The following GUCY1A1 variants were observed in gnomAD, a reference collection of about 807,000 sequenced individuals.
GUCY1A1 encodes the protein guanylate cyclase soluble subunit alpha-1.
A neutral mutation model predicts 64.5 loss-of-function variants in GUCY1A1; 48 were observed. That is an observed-to-expected ratio of 0.74 (90% CI 0.59 to 0.95). GUCY1A1 has a LOEUF of 0.95. Among genes scored for constraint, GUCY1A1 ranks in the 40% least tolerant of loss-of-function variants. The pLI, the probability that GUCY1A1 is intolerant of heterozygous loss-of-function variation, is 0.00. For synonymous variants in GUCY1A1, 308 were observed against 303.4 expected (o/e 1.02, Z -0.16); for missense variants, 804 against 825.3 (o/e 0.97, Z 0.32).
chr4:155,714,244 T>A (rs1312943227), intron 7 of GUCY1A1, among the ~76,000 whole-genome samples: 1 of 152,214 alleles, frequency 6.6e-6, no homozygotes, highest in African/African-American at 2.4e-5. Context: ...TCATCACTTC[T>A]AAGACAGAGA....
At chr4:155,698,798 T>C (rs1730732249) in intron 3 of GUCY1A1, among the ~76,000 whole-genome samples, 1 of 152,118 alleles carries the variant, frequency 6.6e-6, no homozygotes, top group African/African-American at 2.4e-5. Context: ...TCAAATGACC[T>C]CTCTTGAATT....
At chr4:155,704,325 G>A (rs933687600) in intron 4 of GUCY1A1, among the ~76,000 whole-genome samples, 3 of 152,130 alleles carry the variant, frequency 2.0e-5, no homozygotes, top group African/African-American at 7.2e-5. Flanking sequence ...CTGTAAGGCC[G>A]ATTCTTTTGT....
rs777993183 is a variant in GUCY1A1 at position 155,730,160 on chromosome 4, C to A, written c.2002C>A (p.Pro668Thr). ...DAYQQGTNSK[P>T]CFQKKDVEDG... The stretch of plus-strand genomic sequence containing the variant: ...TTACCAACAAGGAACAAACTCAAAA[C>A]CATGCTTCCAAAAGAAAGATGTGGA... Residue 668 changes from proline to threonine, a missense_variant, in exon 10 of 10, where the codon CCA (proline) becomes ACA (threonine). By Grantham distance (38) the Pro-to-Thr change is conservative. Coordinates refer to ENST00000506455, the MANE Select transcript of GUCY1A1 (RefSeq NM_001130682.3). 3.7e-6 allele frequency: 6 copies of A among 1,611,744 alleles called. No homozygotes were observed. Among genetic ancestry groups the A allele is most frequent in the Non-Finnish European group, 4.2e-6 (5 of 1,178,384 alleles).
chr4:155,682,757 A>G (rs1735988431), intron 2 of GUCY1A1, among the ~76,000 whole-genome samples: 1 of 128,052 alleles, frequency 7.8e-6, no homozygotes, highest in Non-Finnish European at 1.7e-5. Flanking sequence ...CAGGCTTTGA[A>G]GAAAATTAAA....
chr4:155,710,116 A>G (rs1732358688), intron 5 of GUCY1A1, among the ~76,000 whole-genome samples: 1 of 152,230 alleles, frequency 6.6e-6, no homozygotes, highest in Non-Finnish European at 1.5e-5. Context: ...GTAATTTTAA[A>G]TTAACTTCCG....
intron 8 of GUCY1A1, among the ~76,000 whole-genome samples, chr4:155,719,760 G>T (rs557900564): frequency 6.6e-6 from 1 of 152,082 alleles, no homozygotes; most frequent in Admixed American, 6.6e-5. Flanking sequence ...GTCAGTAGGT[G>T]ACAAGTGAAC....
intron 3 of GUCY1A1, among the ~76,000 whole-genome samples, chr4:155,700,173 C>G (rs1349747655): frequency 2.6e-5 from 4 of 152,030 alleles, no homozygotes; most frequent in African/African-American, 9.7e-5. Context: ...CTTGAAGGAG[C>G]TTTTAATGGA....
chr4:155,700,543 A>G lies in GUCY1A1; in HGVS notation c.256-3389A>G, dbSNP rs1579060237. Among the ~76,000 whole-genome samples the G allele has an allele frequency of 2.6e-5, 4 of 152,298 alleles. 1 individual carries two copies. The highest frequency in any genetic ancestry group is 2.6e-4 in the Admixed American group (4 of 15,290). On this transcript the variant is annotated intron_variant, in intron 3 of 9. Transcript: ENST00000506455. Reference sequence around the variant, plus strand: ...TAGCAGTTTTTCCTGAAGTATTCATATATGGTATATTTGTGGCAAAAGTAC... The same window carrying G: ...TAGCAGTTTTTCCTGAAGTATTCATGTATGGTATATTTGTGGCAAAAGTAC...
chr4:155,710,811 C>A lies in GUCY1A1; in HGVS notation c.646C>A (p.Pro216Thr). ...TAAGAGAACCACCTCCCTGATTCTT[C>A]CCGGCATCATAAAGGCAGCTGCTCA... ...FPKRTTSLIL[P>T]GIIKAAAHVL... The change falls in exon 6 of 10, where the codon CCC becomes ACC. Residue 216 changes from proline (P) to threonine (T), a missense_variant. Transcript: ENST00000506455. 3 of 1,614,074 alleles carry A rather than the reference C, an allele frequency of 1.9e-6. No individual in the cohort carries two copies. The highest frequency in any genetic ancestry group is 2.2e-5 in the South Asian group (2 of 91,072).
intron 6 of GUCY1A1, 34 bp from the exon 7 acceptor site, chr4:155,713,064 A>G: frequency 6.4e-7 from 1 of 1,555,228 alleles, no homozygotes; most frequent in Non-Finnish European, 8.7e-7. Flanking sequence ...GGGAAACTTG[A>G]ATAAACCACA....
Position 155,732,927 on chromosome 4 carries a change from G to T in GUCY1A1, c.*2696G>T, listed in dbSNP as rs777993570. On this transcript the variant is annotated 3_prime_UTR_variant, in exon 10 of 10. Coordinates refer to ENST00000506455, the MANE Select transcript of GUCY1A1 (RefSeq NM_001130682.3). Reference sequence around the variant, plus strand: ...TACATATTTCTCAGGCAAGCACAGAGTTATACTGAACTTTTCTAAAGATGC... The same window carrying T: ...TACATATTTCTCAGGCAAGCACAGATTTATACTGAACTTTTCTAAAGATGC... Among the ~76,000 whole-genome samples the T allele has an allele frequency of 2.0e-4, 30 of 151,830 alleles. No homozygotes were observed. Among genetic ancestry groups the T allele is most frequent in the Non-Finnish European group, 3.5e-4 (24 of 67,874 alleles).
chr4:155,722,107 C>G lies in GUCY1A1; in HGVS notation c.1786C>G (p.Leu596Val), dbSNP rs766356519. 1 of 1,613,610 alleles carries G rather than the reference C, an allele frequency of 6.2e-7. No homozygotes were observed. The highest frequency in any genetic ancestry group is 8.5e-7 in the Non-Finnish European group (1 of 1,179,676). ...VVGVKMPRYC[L>V]FGNNVTLANK... ...TGGAGTTAAAATGCCCCGTTACTGT[C>G]TTTTTGGAAACAATGTCACTCTGGC... The change falls in exon 9 of 10, where the codon CTT becomes GTT. Residue 596 changes from leucine to valine, a missense_variant. Leu to Val is a conservative substitution (Grantham distance 32). Coordinates refer to ENST00000506455, the MANE Select transcript of GUCY1A1 (RefSeq NM_001130682.3).
intron 9 of GUCY1A1, among the ~76,000 whole-genome samples, chr4:155,728,346 G>A (rs1251352591): frequency 6.6e-6 from 1 of 151,728 alleles, no homozygotes; most frequent in Non-Finnish European, 1.5e-5. Context: ...CAAAGTTCCT[G>A]AATTTTAACA....
intron 2 of GUCY1A1, among the ~76,000 whole-genome samples, chr4:155,686,751 G>A (rs72685781): frequency 0.019 from 2,953 of 152,240 alleles, 37 homozygotes; most frequent in Non-Finnish European, 0.031. Context: ...TTATAAAATA[G>A]TTTTGGCTTA....
rs1022535763 is a variant in GUCY1A1, at chr4:155,735,328, A to G, written c.*5097A>G. On this transcript the variant is annotated 3_prime_UTR_variant, in exon 10 of 10. Coordinates refer to ENST00000506455, the MANE Select transcript of GUCY1A1 (RefSeq NM_001130682.3). Reference sequence around the variant, plus strand: ...TCAGAAAAACCTAAGCAAAAGGAAAAAAAAGTGATATTCTAAAAGCCACAC... The same window carrying G: ...TCAGAAAAACCTAAGCAAAAGGAAAGAAAAGTGATATTCTAAAAGCCACAC... 6.6e-6 allele frequency: 1 copy of G among 151,948 alleles called. No homozygotes were observed. The highest frequency in any genetic ancestry group is 1.5e-5 in the Non-Finnish European group (1 of 67,926). The allele number at this position is 151,948 out of a possible 1,614,324, so 9.4% of individuals were successfully genotyped here. A position where few individuals can be genotyped will look rare whatever the true frequency, so the allele number is the denominator to read the frequency against.
intron 2 of GUCY1A1, among the ~76,000 whole-genome samples, chr4:155,693,827 G>A (rs1020560722): frequency 5.9e-5 from 9 of 152,150 alleles, no homozygotes; most frequent in African/African-American, 2.2e-4. Context: ...GTATTCTACT[G>A]CAGCTGGATT....
At position 155,711,137 on chromosome 4, in the gene GUCY1A1, T is replaced by C; in HGVS notation, c.972T>C (p.Phe324=). The C allele has an allele frequency of 6.2e-7, 1 of 1,613,184 alleles. No homozygotes were observed. The highest frequency in any genetic ancestry group is 8.5e-7 in the Non-Finnish European group (1 of 1,179,130). The change falls in exon 6 of 10, where the codon TTT becomes TTC. Residue 324 remains phenylalanine (F), a synonymous_variant. Coordinates refer to ENST00000506455, the MANE Select transcript of GUCY1A1 (RefSeq NM_001130682.3). The part of the protein sequence containing the change: ...FQGKPNFEEY[F]EILTPKINQT... ...GAAAGCCTAATTTTGAAGAATACTT[T>C]GAAATTCTGACTCCAAAAATCAACC...
At chr4:155,674,511 T>G (rs981639309) in intron 2 of GUCY1A1, among the ~76,000 whole-genome samples, 1 of 151,584 alleles carries the variant, frequency 6.6e-6, no homozygotes, top group Non-Finnish European at 1.5e-5. Flanking sequence ...CTTCGTTCTT[T>G]ATATGCTTAT....
rs1290773140 is a variant in GUCY1A1 at position 155,730,220 on chromosome 4, G to A, written c.2062G>A (p.Gly688Arg). Residue 688 changes from glycine (G) to arginine (R), a missense_variant, in exon 10 of 10, where the codon GGA (glycine) becomes AGA (arginine). By Grantham distance (125) the Gly-to-Arg change is moderately radical. Transcript: ENST00000506455. ...GNANFLGKAS[G>R]ID ...TGCCAATTTTTTAGGCAAAGCATCA[G>A]GAATAGATTAGCAACCTATATACCT... 10 of 1,602,866 alleles carry A rather than the reference G, an allele frequency of 6.2e-6. No individual in the cohort carries two copies. In the Admixed American group the frequency reaches 8.4e-5, roughly 13 times the overall value.
Sources: allele counts gnomAD v4.1 joint callset (sites outside exome capture counted in the v4.1 genomes callset), GRCh38; gene constraint gnomAD v4.1.1; transcripts MANE v1.5; gene names NCBI Gene and HGNC (gene_info 2026-07-23, HGNC 2026-07-21).